Variants in MORN1 observed in about 807,000 individuals in gnomAD.
MORN1 encodes the protein MORN repeat containing 1.
Under a neutral mutation model 61.9 loss-of-function variants are expected in MORN1, and 67 were observed. The ratio of observed to expected loss-of-function variants is 1.08; its 90% confidence interval spans 0.89 to 1.33. The LOEUF is 1.33. Among genes scored for constraint, MORN1 ranks in the 40% most tolerant of loss-of-function variants. The probability of loss-of-function intolerance (pLI) is 0.00; values close to 1 mark genes in which losing one functional copy is unlikely to be tolerated. For missense variants in MORN1, 752 were observed against 691.2 expected (o/e 1.09, Z -0.99); for synonymous variants, 301 against 292.0 (o/e 1.03, Z -0.31).
intron 1 of MORN1, 29 bp downstream of exon 1, chr1:2,391,429 C>T (rs780214229): frequency 3.6e-5 from 45 of 1,255,140 alleles, no homozygotes; most frequent in Non-Finnish European, 3.7e-5. Flanking sequence ...GGGCAGCCAG[C>T]GACCTGTCCC....
At chr1:2,347,319 G>A (rs898102183) in intron 10 of MORN1, among the ~76,000 whole-genome samples, 1 of 152,166 alleles carries the variant, frequency 6.6e-6, no homozygotes, top group African/African-American at 2.4e-5. Context: ...TGCCACGAAG[G>A]CTCCATCCCC....
Position 2,372,455 on chromosome 1 carries a change from G to C in MORN1, c.745+26C>G, listed in dbSNP as rs1488067506. 1 of 1,550,050 alleles carries C rather than the reference G, an allele frequency of 6.5e-7. No individual in the cohort carries two copies. The highest frequency in any genetic ancestry group is 1.8e-5 in the Admixed American group (1 of 55,956). ...GCCTGTTTCTCTTTTGGAAACGTTA[G>C]GTCATCTCCCCCTGGAGATGCTTAC... is the stretch of plus-strand genomic sequence containing the variant. On this transcript the variant is annotated intron_variant, in intron 8 of 13. Transcript: ENST00000378531. This position sits in a 1 kb window ranked among gnomAD's most constrained non-coding sequence, Gnocchi z 5.4.
At chr1:2,325,955 G>A (rs1416779357) in intron 12 of MORN1, among the ~76,000 whole-genome samples, 1 of 152,158 alleles carries the variant, frequency 6.6e-6, no homozygotes, top group African/African-American at 2.4e-5. Context: ...AGCCCCAGGT[G>A]TGCCGGGCTG....
chr1:2,388,423 A>G lies in MORN1; in HGVS notation c.149-86T>C, dbSNP rs192119069. ...GTGCAGTGTTGGGCCTGTTTCTCAG[A>G]ACCAAGAGCTTGGCTTCAAAACTTG... On this transcript the variant is annotated intron_variant, in intron 2 of 13. Transcript: ENST00000378531. 7.7e-5 allele frequency: 81 copies of G among 1,049,082 alleles called. No individual in the cohort carries two copies. In the African/African-American group the frequency reaches 1.0e-3, roughly 14 times the overall value. The allele number at this position is 1,049,082 out of a possible 1,614,324, so 65.0% of individuals were successfully genotyped here.
chr1:2,383,327 T>C (rs371340516), intron 6 of MORN1, among the ~76,000 whole-genome samples: 22 of 152,320 alleles, frequency 1.4e-4, no homozygotes, highest in African/African-American at 5.3e-4. Flanking sequence ...AAGCGTCTCC[T>C]GCACCTCAGG....
Position 2,357,732 on chromosome 1 carries a change from G to T in MORN1, c.870-134C>A. ...CAGGGAGCGCTACTCAGCCTCTCTG[G>T]GAGGTCTCCTGCTGGGATGGGGCCA... On this transcript the variant is annotated intron_variant, in intron 9 of 13. Coordinates refer to ENST00000378531, the MANE Select transcript of MORN1 (RefSeq NM_024848.3). The surrounding 1 kb of genome is among the most constrained non-coding windows in gnomAD (Gnocchi z 6.3). 9.4e-7 allele frequency: 1 copy of T among 1,062,662 alleles called. No individual in the cohort carries two copies. Among genetic ancestry groups the T allele is most frequent in the South Asian group, 2.4e-5 (1 of 42,372 alleles). 65.8% of individuals were successfully genotyped at this position (1,062,662 alleles called of 1,614,324 possible).
intron 13 of MORN1, chr1:2,322,582 G>C (rs937460098): frequency 2.0e-6 from 2 of 985,146 alleles, no homozygotes; most frequent in Non-Finnish European, 1.2e-6. Flanking sequence ...GTTCTGGGGG[G>C]CCTCGCCAGG....
intron 13 of MORN1, 57 bp from the exon 14 acceptor site, chr1:2,321,636 C>T: frequency 1.4e-6 from 2 of 1,426,180 alleles, no homozygotes; most frequent in Non-Finnish European, 1.8e-6. Flanking sequence ...CCCTCCCTGG[C>T]CTCAGCCCAC....
At chr1:2,335,959 T>G (rs1441665350) in intron 12 of MORN1, among the ~76,000 whole-genome samples, 1 of 152,120 alleles carries the variant, frequency 6.6e-6, no homozygotes, top group Non-Finnish European at 1.5e-5. Context: ...GTTACGGCCC[T>G]GCATGTGCTG....
At chr1:2,353,631 A>G (rs1376983371) in intron 10 of MORN1, among the ~76,000 whole-genome samples, 2 of 152,218 alleles carry the variant, frequency 1.3e-5, no homozygotes, top group Non-Finnish European at 2.9e-5. Flanking sequence ...CCTGGCTGGA[A>G]CTGAAACTTA....
At chr1:2,375,202 T>A (rs1387679061) in intron 6 of MORN1, 1 of 152,228 alleles carries the variant, frequency 6.6e-6, no homozygotes, top group Admixed American at 6.5e-5. Flanking sequence ...GACTCTGAAT[T>A]ACTTCTATTA....
At position 2,334,448 on chromosome 1, in the gene MORN1, G is replaced by A. The variant is rs1641222417; in HGVS notation, c.1250+2021C>T. Among the ~76,000 whole-genome samples, 1 of 152,216 alleles carries A rather than the reference G, an allele frequency of 6.6e-6. No individual in the cohort carries two copies. The highest frequency in any genetic ancestry group is 1.5e-5 in the Non-Finnish European group (1 of 68,040). Reference sequence around the variant, plus strand: ...CAGGAGCGGGCAGAGCTTACGGAGAGTTCCCGATGGGAAAGACTCCCCAGG... The same window carrying A: ...CAGGAGCGGGCAGAGCTTACGGAGAATTCCCGATGGGAAAGACTCCCCAGG... On this transcript the variant is annotated intron_variant, in intron 12 of 13. Coordinates refer to ENST00000378531, the MANE Select transcript of MORN1 (RefSeq NM_024848.3). This position sits in a 1 kb window ranked among gnomAD's most constrained non-coding sequence, Gnocchi z 5.4.
rs1369395010 is a variant in MORN1, at chr1:2,389,955, C to T, written c.118G>A (p.Glu40Lys). ...YVYPNSFFRYEGEWKAGRKHG... is the reference protein window; with the variant it reads ...YVYPNSFFRYKGEWKAGRKHG... ...TTCCTCCCTGCTTTCCATTCTCCTT[C>T]ATATCGAAAGAAGGAATTTGGGTAT... Residue 40 changes from glutamate to lysine, a missense_variant, in exon 2 of 14, where the codon GAA (glutamate) becomes AAA (lysine). By Grantham distance (56) the Glu-to-Lys change is moderately conservative. Transcript: ENST00000378531. 6.2e-7 allele frequency: 1 copy of T among 1,614,144 alleles called. No homozygotes were observed. Among genetic ancestry groups the T allele is most frequent in the Non-Finnish European group, 8.5e-7 (1 of 1,179,994 alleles).
At chr1:2,390,271 G>C (rs946752603) in intron 1 of MORN1, among the ~76,000 whole-genome samples, 3 of 152,182 alleles carry the variant, frequency 2.0e-5, no homozygotes, top group African/African-American at 7.2e-5. Flanking sequence ...AACAACTGCA[G>C]GTCCTTGAGA....
chr1:2,325,172 T>TCCTTCCTTCCCTTCCTTCCTTCCCTC (rs1237975817), intron 12 of MORN1, among the ~76,000 whole-genome samples: 1 of 13,674 alleles, frequency 7.3e-5, no homozygotes, highest in East Asian at 2.7e-3. Flanking sequence ...TTCCTTCCTT[T>TCCTTCCTTCCCTTCCTTCCTTCCCTC]CCTTCCTTCC....
At position 2,322,120 on chromosome 1, in the gene MORN1, G is replaced by A. The variant is rs1216406780; in HGVS notation, c.1298-541C>T. The A allele has an allele frequency of 6.1e-6, 6 of 985,300 alleles. No homozygotes were observed. The African/African-American group carries it at 7.0e-5, about 11-fold the overall frequency. 61.0% of individuals were successfully genotyped at this position (985,300 alleles called of 1,614,324 possible). On this transcript the variant is annotated intron_variant, in intron 13 of 13. Coordinates refer to ENST00000378531, the MANE Select transcript of MORN1 (RefSeq NM_024848.3). ...GGCTCTCCGGGTGGGGCTGGAGGGC[G>A]GCCCTGCTGGGGGCACTCGGCAGAG... is the stretch of plus-strand genomic sequence containing the variant.
In MORN1 at chr1:2,321,280, C is replaced by A; in HGVS notation, c.*103G>T. On this transcript the variant is annotated 3_prime_UTR_variant, in exon 14 of 14. Transcript: ENST00000378531. The stretch of plus-strand genomic sequence containing the variant: ...GCCGCCACTGAGCATTTTATTCAAG[C>A]CAGCAACCACGGGGCTCTGGAGAAT... 1.1e-6 allele frequency: 1 copy of A among 934,190 alleles called. No homozygotes were observed. The allele number at this position is 934,190 out of a possible 1,614,324, so 57.9% of individuals were successfully genotyped here. A position where few individuals can be genotyped will look rare whatever the true frequency, so the allele number is the denominator to read the frequency against.
intron 12 of MORN1, 24 bp from the exon 13 acceptor site, chr1:2,324,167 C>A (rs746086945): frequency 6.3e-7 from 1 of 1,584,454 alleles, no homozygotes; most frequent in South Asian, 1.1e-5. Flanking sequence ...ACAGTGAGGC[C>A]CCTGAATGCC....
intron 10 of MORN1, 81 bp from the exon 11 acceptor site, chr1:2,336,931 G>T: frequency 7.2e-7 from 1 of 1,387,532 alleles, no homozygotes; most frequent in African/African-American, 1.5e-5. Flanking sequence ...GTGCTGAAGT[G>T]TGGCTCTGGC....
Sources: gnomAD v4.1 joint callset for allele counts (sites outside exome capture counted in the v4.1 genomes callset) on GRCh38, gnomAD v4.1.1 for gene constraint, Gnocchi (gnomAD v3.1) non-coding constraint, MANE v1.5 for transcripts, NCBI Gene and HGNC (gene_info 2026-07-23, HGNC 2026-07-21) for gene names.